Variants in GUCD1 observed in about 807,000 individuals in gnomAD.
GUCD1 encodes the protein protein GUCD1.
Under a neutral mutation model 28.3 loss-of-function variants are expected in GUCD1, and 17 were observed. That is an observed-to-expected ratio of 0.60 (90% CI 0.41 to 0.90). The LOEUF (loss-of-function observed/expected upper bound fraction) is 0.90. Ranked by LOEUF, GUCD1 falls within the 40% of genes least tolerant of loss-of-function variation. GUCD1 has a pLI of 0.00. For missense variants in GUCD1, 279 were observed against 305.5 expected, an observed-to-expected ratio of 0.91 and a Z score of 0.65; for synonymous variants, 129 against 123.3, an observed-to-expected ratio of 1.05 and a Z score of -0.30.
Position 24,548,963 on chromosome 22 carries a change from G to A in GUCD1, c.82C>T (p.Leu28Phe). ...VQLPVPVIQQ[L>F]YHWDCGLACS... ...GCCAGGCCACAGTCCCAGTGGTAGA[G>A]CTGCTGGATGACGGGCACAGGCAGT... Residue 28 changes from leucine (L) to phenylalanine (F), a missense_variant, in exon 2 of 6, where the codon CTC becomes TTC. Physicochemically the swap from Leu to Phe is conservative, Grantham distance 22. Coordinates refer to ENST00000435822, the MANE Select transcript of GUCD1 (RefSeq NM_001284254.2). 6.3e-7 allele frequency: 1 copy of A among 1,587,006 alleles called. No homozygotes were observed. The highest frequency in any genetic ancestry group is 8.6e-7 in the Non-Finnish European group (1 of 1,166,586).
chr22:24,546,376 A>G (rs530021588), intron 4 of GUCD1, among the ~76,000 whole-genome samples: 9 of 152,348 alleles, frequency 5.9e-5, no homozygotes, highest in Non-Finnish European at 1.3e-4. Context: ...ACCTAGAGGC[A>G]GCAGGTCTGA....
At chr22:24,554,916 G>A (rs112063630) in intron 1 of GUCD1, 33 bp downstream of exon 1, 2 of 1,520,684 alleles carry the variant, frequency 1.3e-6, no homozygotes, top group African/African-American at 1.4e-5. Flanking sequence ...TTCGTTCCTA[G>A]GGTGAAGACT....
chr22:24,543,302 G>C (rs1318822951), intron 5 of GUCD1, among the ~76,000 whole-genome samples: 1 of 152,192 alleles, frequency 6.6e-6, no homozygotes, highest in Non-Finnish European at 1.5e-5. Flanking sequence ...CAGTAAAGCA[G>C]TTGGAGAAAG....
chr22:24,543,348 T>C (rs1353231514), intron 5 of GUCD1, among the ~76,000 whole-genome samples: 3 of 152,172 alleles, frequency 2.0e-5, no homozygotes, highest in African/African-American at 7.2e-5. Flanking sequence ...CCAGGCCACA[T>C]AGACGGGGTA....
chr22:24,555,590 TAGCC>T, upstream of GUCD1: 1 of 1,549,090 alleles, frequency 6.5e-7, no homozygotes, highest in Non-Finnish European at 8.7e-7. Flanking sequence ...ACCAGATACC[TAGCC>T]TCACTCAGGG....
In GUCD1 at chr22:24,555,135, G is replaced by A. The variant is rs963310333; in HGVS notation, c.-144C>T. 2.3e-6 allele frequency: 3 copies of A among 1,302,780 alleles called. No homozygotes were observed. Among genetic ancestry groups the A allele is most frequent in the Non-Finnish European group, 1.9e-6 (2 of 1,027,548 alleles). The allele number at this position is 1,302,780 out of a possible 1,614,324, so 80.7% of individuals were successfully genotyped here. Reference sequence around the variant, plus strand: ...TGCGGAGGAGAGAACGGGAGGCGGCGGCTGGGCCGCCCCAAGCGCCGCCCC... The same window carrying A: ...TGCGGAGGAGAGAACGGGAGGCGGCAGCTGGGCCGCCCCAAGCGCCGCCCC... On this transcript the variant is annotated 5_prime_UTR_variant, in exon 1 of 6. Coordinates refer to ENST00000435822, the MANE Select transcript of GUCD1 (RefSeq NM_001284254.2).
At chr22:24,554,461 C>G (rs1429455973) in intron 1 of GUCD1, among the ~76,000 whole-genome samples, 1 of 152,254 alleles carries the variant, frequency 6.6e-6, no homozygotes, top group African/African-American at 2.4e-5. Flanking sequence ...ACGTCTTCCC[C>G]CTCCCCTACG....
At position 24,554,977 on chromosome 22, in the gene GUCD1, C is replaced by T; in HGVS notation, c.15G>A (p.Ala5=). The T allele has an allele frequency of 6.4e-7, 1 of 1,555,914 alleles. No homozygotes were observed. Among genetic ancestry groups the T allele is most frequent in the Non-Finnish European group, 8.7e-7 (1 of 1,155,096 alleles). The change falls in exon 1 of 6, where the codon GCG becomes GCA. Residue 5 remains alanine (A), a synonymous_variant. Coordinates refer to ENST00000435822, the MANE Select transcript of GUCD1 (RefSeq NM_001284254.2). MRTE[A]EAAGPPLEPG... ...GCTCGAGCGGCGGCCCCGCTGCCTCCGCCTCCGTCCTCATGACCCGGGCGG... is the reference window on the plus strand; with the variant it reads ...GCTCGAGCGGCGGCCCCGCTGCCTCTGCCTCCGTCCTCATGACCCGGGCGG...
rs1338044961 is a variant in GUCD1, at chr22:24,546,915, A to G, written c.385T>C (p.Cys129Arg). The G allele has an allele frequency of 1.2e-6, 2 of 1,613,506 alleles. No homozygotes were observed. The highest frequency in any genetic ancestry group is 1.1e-5 in the South Asian group (1 of 91,068). The change falls in exon 4 of 6, where the codon TGC (cysteine) becomes CGC (arginine). Residue 129 changes from cysteine to arginine, a missense_variant and splice_region_variant. By Grantham distance (180) the Cys-to-Arg change is radical. Transcript: ENST00000435822. ...AGGTAGGAAAGTTGGGGGGCTCACCATTTCTCCACCAGCACCTTGCAGGCC... is the reference window on the plus strand; with the variant it reads ...AGGTAGGAAAGTTGGGGGGCTCACCGTTTCTCCACCAGCACCTTGCAGGCC... ...AKACKVLVEK[C>R]TVSVKDIQAH...
chr22:24,544,234 C>T, intron 4 of GUCD1, 151 bp from the exon 5 acceptor site: 1 of 1,083,334 alleles, frequency 9.2e-7, no homozygotes, highest in Non-Finnish European at 1.3e-6. Flanking sequence ...TCACTGTGGC[C>T]CAGGCTCAGC....
rs2044612550 is a variant in GUCD1, at chr22:24,542,272, C to G, written c.*734G>C. ...CTAGGGCAGCTGTTTATTCCCAGAGCACTGCTGCCAGCCACGAGGCCTACC... is the reference window on the plus strand; with the variant it reads ...CTAGGGCAGCTGTTTATTCCCAGAGGACTGCTGCCAGCCACGAGGCCTACC... On this transcript the variant is annotated 3_prime_UTR_variant, in exon 6 of 6. Transcript: ENST00000435822. 1 of 152,284 alleles carries G rather than the reference C, an allele frequency of 6.6e-6. No homozygotes were observed. Among genetic ancestry groups the G allele is most frequent in the African/African-American group, 2.4e-5 (1 of 41,478 alleles). The allele number at this position is 152,284 out of a possible 1,614,324, so 9.4% of individuals were successfully genotyped here.
At chr22:24,543,353 G>T (rs187205002) in intron 5 of GUCD1, among the ~76,000 whole-genome samples, 3 of 152,178 alleles carry the variant, frequency 2.0e-5, no homozygotes, top group Non-Finnish European at 2.9e-5. Context: ...CCACATAGAC[G>T]GGGTAAGTCT....
At chr22:24,551,066 T>C (rs2044859347) in intron 1 of GUCD1, among the ~76,000 whole-genome samples, 1 of 152,330 alleles carries the variant, frequency 6.6e-6, no homozygotes, top group East Asian at 1.9e-4. Context: ...GCCTGGCCTC[T>C]CTGTGCCTGC....
In GUCD1 at chr22:24,547,978, A is replaced by G; in HGVS notation, c.224T>C (p.Met75Thr). The change falls in exon 3 of 6, where the codon ATG (methionine) becomes ACG (threonine). Residue 75 changes from methionine (M) to threonine (T), a missense_variant. By Grantham distance (81) the Met-to-Thr change is moderately conservative. Coordinates refer to ENST00000435822, the MANE Select transcript of GUCD1 (RefSeq NM_001284254.2). The part of the protein sequence containing the change: ...SIWTIDLAYL[M>T]HHFGVRHRFC... ...GCGGTGCCTCACGCCAAAGTGGTGC[A>G]TCAGGTAGGCCAGGTCGATGGTCCA... The G allele has an allele frequency of 6.2e-7, 1 of 1,614,190 alleles. No individual in the cohort carries two copies. Among genetic ancestry groups the G allele is most frequent in the Non-Finnish European group, 8.5e-7 (1 of 1,180,018 alleles).
At chr22:24,548,096 G>A (rs773112580) in intron 2 of GUCD1, 23 bp from the exon 3 acceptor site, 3 of 1,608,848 alleles carry the variant, frequency 1.9e-6, no homozygotes, top group South Asian at 2.2e-5. Flanking sequence ...GAGCTGGGGA[G>A]CTCAGCTTGG....
rs1204576451 is a variant in GUCD1, at chr22:24,547,939, G to T, written c.263C>A (p.Thr88Asn). 6 of 1,614,160 alleles carry T rather than the reference G, an allele frequency of 3.7e-6. No individual in the cohort carries two copies. The highest frequency in any genetic ancestry group is 5.1e-6 in the Non-Finnish European group (6 of 1,180,016). Residue 88 changes from threonine to asparagine, a missense_variant, in exon 3 of 6, where the codon ACC (threonine) becomes AAC (asparagine). Physicochemically the swap from Thr to Asn is moderately conservative, Grantham distance 65. Transcript: ENST00000435822. ...FGVRHRFCTQ[T>N]LGVDKGYKNQ... is the part of the protein sequence containing the mutation. ...CTTGTAGCCCTTGTCGACACCCAGG[G>T]TCTGGGTACAGAAGCGGTGCCTCAC...
At chr22:24,555,590 T>C (rs2045039516), upstream of GUCD1, 2 of 1,549,090 alleles carry the variant, frequency 1.3e-6, no homozygotes, top group East Asian at 4.9e-5. Flanking sequence ...ACCAGATACC[T>C]AGCCTCACTC....
At position 24,546,964 on chromosome 22, in the gene GUCD1, C is replaced by G; in HGVS notation, c.336G>C (p.Val112=). ...RKHFDTEETR[V]NQLFAQAKAC... The stretch of plus-strand genomic sequence containing the variant: ...CCTTTGCTTGTGCAAACAGCTGATT[C>G]ACCCGGGTCTCTTCTGTGTCAAAGT... Residue 112 remains valine (V), a synonymous_variant, in exon 4 of 6, where the codon GTG becomes GTC. Coordinates refer to ENST00000435822, the MANE Select transcript of GUCD1 (RefSeq NM_001284254.2). 6.2e-7 allele frequency: 1 copy of G among 1,614,198 alleles called. No homozygotes were observed. The highest frequency in any genetic ancestry group is 8.5e-7 in the Non-Finnish European group (1 of 1,180,044).
chr22:24,555,451 T>G, upstream of GUCD1: 1 of 1,141,512 alleles, frequency 8.8e-7, no homozygotes, highest in Non-Finnish European at 1.2e-6. Flanking sequence ...CCCGCTCTTT[T>G]GCCAGTCCTA....
Sources: gnomAD v4.1 joint callset for allele counts (sites outside exome capture counted in the v4.1 genomes callset) on GRCh38, gnomAD v4.1.1 for gene constraint, MANE v1.5 for transcripts, NCBI Gene and HGNC (gene_info 2026-07-23, HGNC 2026-07-21) for gene names.